TMEM131: variants seen among roughly 807,000 people sequenced by gnomAD.
TMEM131 encodes the protein 2610524E03Rik.
In TMEM131, 66 loss-of-function variants were observed where a neutral mutation model predicts 211.6. That is an observed-to-expected ratio of 0.31 (90% CI 0.26 to 0.38). The LOEUF (loss-of-function observed/expected upper bound fraction) is 0.38, where lower values mean the gene tolerates loss of function less well. Among genes scored for constraint, TMEM131 ranks in the 10% least tolerant of loss-of-function variants. The pLI, the probability that TMEM131 is intolerant of heterozygous loss-of-function variation, is 1.00. For synonymous variants in TMEM131, 844 were observed against 841.3 expected, an observed-to-expected ratio of 1.00 and a Z score of -0.06; for missense variants, 2,036 against 2,299.3, an observed-to-expected ratio of 0.89 and a Z score of 2.34.
At chr2:97,813,878 G>T in intron 15 of TMEM131, 93 bp downstream of exon 15, 1 of 1,035,050 alleles carries the variant, frequency 9.7e-7, no homozygotes, top group Non-Finnish European at 1.3e-6. Context: ...CACAAATAAT[G>T]GCAAACCGTA....
rs936109287 is a variant in TMEM131 at position 97,814,394 on chromosome 2, A to T, written c.1293-6T>A. On this transcript the variant is annotated splice_polypyrimidine_tract_variant and splice_region_variant and intron_variant, in intron 13 of 40. Coordinates refer to ENST00000186436, the MANE Select transcript of TMEM131 (RefSeq NM_015348.2). ...CATGATCAAATCCCAAATAACTATT[A>T]AAAAAAACAACAAGAACAAAATAAA... 1.3e-5 allele frequency: 20 copies of T among 1,575,684 alleles called. No homozygotes were observed. The highest frequency in any genetic ancestry group is 2.4e-5 in the South Asian group (2 of 84,664).
chr2:97,759,665 A>G lies in TMEM131; in HGVS notation c.5193T>C (p.Phe1731=). Residue 1731 remains phenylalanine, a synonymous_variant, in exon 39 of 41, where the codon TTT becomes TTC. Coordinates refer to ENST00000186436, the MANE Select transcript of TMEM131 (RefSeq NM_015348.2). ...LNSFSAFGNS[F]NLTGEVFSKL... ...TTAAACACTCACCACCAGTTAGATT[A>G]AAAGAGTTTCCAAAGGCGGAGAACG... 3 of 1,613,138 alleles carry G rather than the reference A, an allele frequency of 1.9e-6. No individual in the cohort carries two copies. Among genetic ancestry groups the G allele is most frequent in the Non-Finnish European group, 2.5e-6 (3 of 1,179,432 alleles).
Position 97,758,948 on chromosome 2 carries a change from G to A in TMEM131, c.5312C>T (p.Thr1771Ile), listed in dbSNP as rs759646305. The A allele has an allele frequency of 6.2e-7, 1 of 1,614,020 alleles. No individual in the cohort carries two copies. The highest frequency in any genetic ancestry group is 1.1e-5 in the South Asian group (1 of 91,084). ...GPSYLWESPA[T>I]DPSPSWPASS... is the part of the protein sequence containing the mutation. ...GGCTGGCCAGGAAGGACTGGGATCT[G>A]TCGCTGGCGACTCCCAAAGGTATGA... The change falls in exon 40 of 41, where the codon ACA becomes ATA. Residue 1771 changes from threonine to isoleucine, a missense_variant. By Grantham distance (89) the Thr-to-Ile change is moderately conservative. Transcript: ENST00000186436.
In TMEM131 at chr2:97,987,177, A is replaced by T. The variant is rs533019233; in HGVS notation, c.187+8299T>A. On this transcript the variant is annotated intron_variant, in intron 1 of 40. Transcript: ENST00000186436. ...GAAAAAATCAGCTTTCAAGAACCAA[A>T]CTGCCATATCACTTTGCAATCATTA... 1.3e-4 allele frequency among the ~76,000 whole-genome samples: 20 copies of T among 152,370 alleles called. No homozygotes were observed. The South Asian group carries it at 3.9e-3, about 30-fold the overall frequency.
At chr2:97,863,117 AC>A (rs1180075825) in intron 4 of TMEM131, among the ~76,000 whole-genome samples, 3 of 151,962 alleles carry the variant, frequency 2.0e-5, no homozygotes, top group Admixed American at 6.6e-5. Context: ...AACAAAAAAA[AC>A]CCCCACACTT....
intron 6 of TMEM131, among the ~76,000 whole-genome samples, chr2:97,843,027 T>C (rs995171342): frequency 5.2e-4 from 77 of 148,936 alleles, no homozygotes; most frequent in African/African-American, 1.9e-3. Flanking sequence ...TTATTTTATA[T>C]GATATGTCAG....
chr2:97,892,562 T>A (rs1340387299), intron 3 of TMEM131, among the ~76,000 whole-genome samples: 1 of 152,144 alleles, frequency 6.6e-6, no homozygotes, highest in African/African-American at 2.4e-5. Flanking sequence ...AGGGTGTCAC[T>A]ATGTTCCCCA....
Position 97,766,258 on chromosome 2 carries a change from T to G in TMEM131, c.4579A>C (p.Ser1527Arg), listed in dbSNP as rs1429776373. 2.5e-6 allele frequency: 4 copies of G among 1,614,038 alleles called. No homozygotes were observed. Among genetic ancestry groups the G allele is most frequent in the Non-Finnish European group, 3.4e-6 (4 of 1,179,896 alleles). Residue 1527 changes from serine (S) to arginine (R), a missense_variant, in exon 35 of 41, where the codon AGT (serine) becomes CGT (arginine). Transcript: ENST00000186436. ...GGTGGTCTGTTATCCACTAACTTACTTGTACCTGCACAAAAATCAGAAAAG... is the reference window on the plus strand; with the variant it reads ...GGTGGTCTGTTATCCACTAACTTACGTGTACCTGCACAAAAATCAGAAAAG... ...SRNAQKTKGTSKLVDNRPPAL... is the reference protein window; with the variant it reads ...SRNAQKTKGTRKLVDNRPPAL...
intron 1 of TMEM131, among the ~76,000 whole-genome samples, chr2:97,942,421 C>T (rs1165790683): frequency 2.0e-5 from 3 of 150,156 alleles, no homozygotes; most frequent in South Asian, 2.1e-4. Context: ...CACATGTATA[C>T]ATATGTAACA....
chr2:97,888,999 A>G (rs924984809), intron 3 of TMEM131, among the ~76,000 whole-genome samples: 3 of 152,228 alleles, frequency 2.0e-5, no homozygotes, highest in African/African-American at 7.2e-5. Flanking sequence ...AATTTCATTC[A>G]GGATTAAGGA....
At chr2:97,849,421 A>G (rs1403276537) in intron 5 of TMEM131, among the ~76,000 whole-genome samples, 2 of 152,160 alleles carry the variant, frequency 1.3e-5, no homozygotes, top group Non-Finnish European at 2.9e-5. Flanking sequence ...TACTACACCA[A>G]CCAATATGAA....
chr2:97,795,276 GGTCA>G (rs1680706473), intron 28 of TMEM131, among the ~76,000 whole-genome samples, 161 bp from the exon 29 acceptor site: 1 of 152,214 alleles, frequency 6.6e-6, no homozygotes, highest in East Asian at 1.9e-4. Flanking sequence ...ATTGTCCCAT[GGTCA>G]GTAATAGGAA....
intron 12 of TMEM131, 144 bp downstream of exon 12, chr2:97,818,469 G>C (rs1239745569): frequency 2.1e-5 from 3 of 144,694 alleles, no homozygotes; most frequent in Admixed American, 7.9e-5. Flanking sequence ...ACAGCGGGGG[G>C]GGGCGGGGGG....
chr2:97,903,135 A>T (rs1445481401), intron 3 of TMEM131, among the ~76,000 whole-genome samples: 1 of 152,202 alleles, frequency 6.6e-6, no homozygotes, highest in Non-Finnish European at 1.5e-5. Flanking sequence ...AAAATGAAGC[A>T]GGAGTCTTTC....
intron 1 of TMEM131, among the ~76,000 whole-genome samples, chr2:97,992,084 C>A (rs945454425): frequency 2.6e-5 from 4 of 152,192 alleles, no homozygotes; most frequent in Non-Finnish European, 5.9e-5. Context: ...ATTCTATTTA[C>A]AAGGCCCTAA....
intron 36 of TMEM131, chr2:97,761,362 T>C (rs971684921): frequency 2.4e-5 from 4 of 164,570 alleles, no homozygotes; most frequent in African/African-American, 9.6e-5. Context: ...GGTTACTGCC[T>C]CTTGGGCAAC....
At chr2:97,929,983 G>A (rs1300737128) in intron 1 of TMEM131, among the ~76,000 whole-genome samples, 2 of 151,650 alleles carry the variant, frequency 1.3e-5, no homozygotes, top group African/African-American at 2.4e-5. Flanking sequence ...AAAGGACTAT[G>A]AATATAAAAG....
At chr2:97,844,555 G>A (rs1023464574) in intron 5 of TMEM131, among the ~76,000 whole-genome samples, 2 of 152,150 alleles carry the variant, frequency 1.3e-5, no homozygotes, top group Admixed American at 6.6e-5. Context: ...GTTCCACGAT[G>A]AGACAATCAG....
chr2:97,796,413 T>TA lies in TMEM131; in HGVS notation c.3014-10dup, dbSNP rs1680764480. On this transcript the variant is annotated splice_polypyrimidine_tract_variant and intron_variant, in intron 27 of 40. Coordinates refer to ENST00000186436, the MANE Select transcript of TMEM131 (RefSeq NM_015348.2). Reference sequence around the variant, plus strand: ...TTCTCTTAGTTTTAAACCTAAAGGATAAAAAATCAGGAATAAGACTAAATC... The same window carrying TA: ...TTCTCTTAGTTTTAAACCTAAAGGATAAAAAAATCAGGAATAAGACTAAATC... 2 of 1,484,328 alleles carry TA rather than the reference T, an allele frequency of 1.3e-6. No homozygotes were observed. Among genetic ancestry groups the TA allele is most frequent in the Non-Finnish European group, 1.8e-6 (2 of 1,110,064 alleles). 91.9% of individuals were successfully genotyped at this position (1,484,328 alleles called of 1,614,324 possible).
Sources: allele counts gnomAD v4.1 joint callset (sites outside exome capture counted in the v4.1 genomes callset), GRCh38; gene constraint gnomAD v4.1.1; transcripts MANE v1.5; gene names NCBI Gene and HGNC (gene_info 2026-07-23, HGNC 2026-07-21).